The following SLFN14 variants were observed in gnomAD, a reference collection of about 807,000 sequenced individuals.
SLFN14 encodes the protein schlafen family member 14, also known as protein SLFN14.
Under a neutral mutation model 58.6 loss-of-function variants are expected in SLFN14, and 47 were observed. The observed-to-expected ratio is 0.80, with a 90% confidence interval of 0.64 to 1.02. SLFN14 has a LOEUF of 1.02. SLFN14 is among the 50% of genes least tolerant of loss of function. The pLI is 0.00. For missense variants in SLFN14, 967 were observed against 1,078.4 expected (o/e 0.90, Z 1.45); for synonymous variants, 390 against 387.3 (o/e 1.01, Z -0.08).
chr17:35,560,038 C>A (rs1262499933), intron 1 of SLFN14, among the ~76,000 whole-genome samples: 3 of 152,160 alleles, frequency 2.0e-5, no homozygotes, highest in Non-Finnish European at 4.4e-5. Context: ...AAGTTGCAAA[C>A]CTCCAGCAAT....
At position 35,554,701 on chromosome 17, in the gene SLFN14, G is replaced by A. The variant is rs1187916565; in HGVS notation, c.1064C>T (p.Pro355Leu). The change falls in exon 4 of 6, where the codon CCT becomes CTT. Residue 355 changes from proline to leucine, a missense_variant. Transcript: ENST00000674182. The part of the protein sequence containing the change: ...VVMMLDTQSA[P>L]PSLVTDYNSC... The stretch of plus-strand genomic sequence containing the variant: ...GTTGTAGTCTGTGACCAAACTGGGA[G>A]GAGCTAGACAATTACATGGAAAGTT... 1 of 1,387,908 alleles carries A rather than the reference G, an allele frequency of 7.2e-7. No homozygotes were observed. The highest frequency in any genetic ancestry group is 9.4e-7 in the Non-Finnish European group (1 of 1,065,302). The allele number at this position is 1,387,908 out of a possible 1,614,324, so 86.0% of individuals were successfully genotyped here. A position where few individuals can be genotyped will look rare whatever the true frequency, so the allele number is the denominator to read the frequency against.
intron 2 of SLFN14, among the ~76,000 whole-genome samples, 141 bp downstream of exon 2, chr17:35,559,586 G>A (rs564749215): frequency 6.0e-4 from 92 of 152,278 alleles, no homozygotes; most frequent in Non-Finnish European, 1.0e-3. Flanking sequence ...AAATATTTCA[G>A]AAAAGATCTG....
At chr17:35,552,422 G>A (rs1432675948) in intron 5 of SLFN14, among the ~76,000 whole-genome samples, 1 of 151,828 alleles carries the variant, frequency 6.6e-6, no homozygotes, top group Admixed American at 6.6e-5. Context: ...TGCTAATTAG[G>A]CAAAAACAAG....
In SLFN14 at chr17:35,548,407, T is replaced by TC. The variant is rs770321409; in HGVS notation, c.2570dup (p.Ser858LysfsTer23). ...GAATACTGTCTAAAACAATGTGACT[T>TC]CCCCAAACACCGGTGGCCGGGCTAA... is the stretch of plus-strand genomic sequence containing the variant. On this transcript the variant is annotated frameshift_variant, in exon 6 of 6. Transcript: ENST00000674182. LOFTEE classifies it high-confidence loss of function. 1.1e-5 allele frequency: 17 copies of TC among 1,551,596 alleles called. No homozygotes were observed. The South Asian group carries it at 1.9e-4, about 17-fold the overall frequency.
chr17:35,548,671 G>A lies in SLFN14; in HGVS notation c.2307C>T (p.Ala769=), dbSNP rs377642864. The change falls in exon 6 of 6, where the codon GCC becomes GCT. Residue 769 remains alanine, a synonymous_variant. Coordinates refer to ENST00000674182, the MANE Select transcript of SLFN14 (RefSeq NM_001129820.2). The part of the protein sequence containing the change: ...PDTLALFSET[A]YEEATCAQAL... ...CCTGGGCACACGTTGCTTCCTCATA[G>A]GCAGTCTCGCTGAACAATGCTAATG... is the stretch of plus-strand genomic sequence containing the variant. 3.9e-6 allele frequency: 6 copies of A among 1,551,642 alleles called. No individual in the cohort carries two copies. Among genetic ancestry groups the A allele is most frequent in the East Asian group, 2.4e-5 (1 of 40,938 alleles).
rs757176140 is a variant in SLFN14, at chr17:35,557,255, CT to C, written c.807del (p.Glu270LysfsTer6). ...WEKVNPDLLKKEIENCIEKLP... is the reference protein window; with the variant it reads ...WEKVNPDLLKXEIENCIEKLP... Reference sequence around the variant, plus strand: ...AATTTTTCTATGCAGTTTTCGATTTCTTTTTTTAGTAAGTCAGGATTCACTT... The same window carrying C: ...AATTTTTCTATGCAGTTTTCGATTTCTTTTTTAGTAAGTCAGGATTCACTT... On this transcript the variant is annotated frameshift_variant, in exon 3 of 6. Coordinates refer to ENST00000674182, the MANE Select transcript of SLFN14 (RefSeq NM_001129820.2). LOFTEE classifies it high-confidence loss of function. 1.9e-6 allele frequency: 3 copies of C among 1,551,684 alleles called. No individual in the cohort carries two copies.
In SLFN14 at chr17:35,546,549, A is replaced by AG. The variant is rs1394074334; in HGVS notation, c.*1689dup. 5.9e-5 allele frequency among the ~76,000 whole-genome samples: 9 copies of AG among 152,246 alleles called. No homozygotes were observed. Among genetic ancestry groups the AG allele is most frequent in the Non-Finnish European group, 1.2e-4 (8 of 68,042 alleles). On this transcript the variant is annotated 3_prime_UTR_variant, in exon 6 of 6. Coordinates refer to ENST00000674182, the MANE Select transcript of SLFN14 (RefSeq NM_001129820.2). Reference sequence around the variant, plus strand: ...ATTCAAGCCTCCCCAGAGTCAATCAAGTTATCCTAAACTTTTCTAGAAGTT... The same window carrying AG: ...ATTCAAGCCTCCCCAGAGTCAATCAAGGTTATCCTAAACTTTTCTAGAAGTT...
At chr17:35,559,843 T>A (rs1220637710) in intron 1 of SLFN14, among the ~76,000 whole-genome samples, 38 bp from the exon 2 acceptor site, 3 of 152,240 alleles carry the variant, frequency 2.0e-5, no homozygotes, top group Non-Finnish European at 2.9e-5. Flanking sequence ...GAATTCTTTT[T>A]AGAATGTGAG....
In SLFN14 at chr17:35,545,902, C is replaced by A. The variant is rs562045014; in HGVS notation, c.*2337G>T. On this transcript the variant is annotated 3_prime_UTR_variant, in exon 6 of 6. Coordinates refer to ENST00000674182, the MANE Select transcript of SLFN14 (RefSeq NM_001129820.2). ...GCCTGATCACTGATTTTTTTTAAGTCGCCCAGGAAATTATAATGAGCATCC... is the reference window on the plus strand; with the variant it reads ...GCCTGATCACTGATTTTTTTTAAGTAGCCCAGGAAATTATAATGAGCATCC... Among the ~76,000 whole-genome samples, 3 of 152,088 alleles carry A rather than the reference C, an allele frequency of 2.0e-5. No homozygotes were observed. Among genetic ancestry groups the A allele is most frequent in the African/African-American group, 2.4e-5 (1 of 41,484 alleles).
In SLFN14 at chr17:35,544,410, G is replaced by C. The variant is rs1049705984; in HGVS notation, c.*3829C>G. Among the ~76,000 whole-genome samples, 8 of 151,998 alleles carry C rather than the reference G, an allele frequency of 5.3e-5. No homozygotes were observed. The highest frequency in any genetic ancestry group is 1.2e-4 in the African/African-American group (5 of 41,364). ...AAAAAGCACACATATACGTTATAAAGTTGATGGCACAACTTGATCATAACT... is the reference window on the plus strand; with the variant it reads ...AAAAAGCACACATATACGTTATAAACTTGATGGCACAACTTGATCATAACT... On this transcript the variant is annotated 3_prime_UTR_variant, in exon 6 of 6. Coordinates refer to ENST00000674182, the MANE Select transcript of SLFN14 (RefSeq NM_001129820.2).
chr17:35,549,543 T>C (rs1307619341), intron 5 of SLFN14, among the ~76,000 whole-genome samples: 1 of 152,238 alleles, frequency 6.6e-6, no homozygotes, highest in Non-Finnish European at 1.5e-5. Flanking sequence ...AAAGCTTCTT[T>C]AGATTTTGGT....
rs917019376 is a variant in SLFN14 at position 35,545,674 on chromosome 17, AT to A, written c.*2564del. On this transcript the variant is annotated 3_prime_UTR_variant, in exon 6 of 6. Transcript: ENST00000674182. ...CATGCCCAACTAAGTTTTTAAAAAA[AT>A]TTTTTTTGTAGAGATGGGGTCTTGT... is the stretch of plus-strand genomic sequence containing the variant. Among the ~76,000 whole-genome samples, 17 of 152,040 alleles carry A rather than the reference AT, an allele frequency of 1.1e-4. No homozygotes were observed. The highest frequency in any genetic ancestry group is 2.1e-4 in the South Asian group (1 of 4,804).
chr17:35,552,649 C>CAA, intron 5 of SLFN14, 81 bp downstream of exon 5: 1 of 509,776 alleles, frequency 2.0e-6, no homozygotes, highest in Non-Finnish European at 3.1e-6. Context: ...TATATATATA[C>CAA]ACATATATAT....
At position 35,553,280 on chromosome 17, in the gene SLFN14, G is replaced by A; in HGVS notation, c.1354C>T (p.Gln452Ter). The change falls in exon 5 of 6, where the codon CAG becomes TAG. Residue 452 changes from glutamine to a stop codon, truncating the protein, a stop_gained. Coordinates refer to ENST00000674182, the MANE Select transcript of SLFN14 (RefSeq NM_001129820.2). LOFTEE classifies it high-confidence loss of function. ...AGGAGAGCATCACACAGGACATTCT[G>A]TTCTTTCCTGAAGCCAACATCACCA... ...WAGDVGFRKE[Q>*]NVLCDALLIA... 1.9e-6 allele frequency: 3 copies of A among 1,551,626 alleles called. No homozygotes were observed. The highest frequency in any genetic ancestry group is 2.6e-6 in the Non-Finnish European group (3 of 1,146,986).
intron 3 of SLFN14, 61 bp from the exon 4 acceptor site, chr17:35,554,765 A>G (rs2072634381): frequency 8.3e-7 from 1 of 1,211,262 alleles, no homozygotes; most frequent in Non-Finnish European, 1.1e-6. Context: ...AAAAAAAAAA[A>G]AAAGCCTCTT....
rs979558913 is a variant in SLFN14, at chr17:35,553,089, C to T, written c.1545G>A (p.Leu515=). The change falls in exon 5 of 6, where the codon CTG becomes CTA. Residue 515 remains leucine (L), a synonymous_variant. Transcript: ENST00000674182. ...KVCIIPRLIH[L]SSTQSRPGEI... ...CACCAGGTCTACTCTGTGTGCTGCT[C>T]AGGTGTATCAGCCTTGGAATGATGC... 1 of 1,551,662 alleles carries T rather than the reference C, an allele frequency of 6.4e-7. No homozygotes were observed. The highest frequency in any genetic ancestry group is 8.7e-7 in the Non-Finnish European group (1 of 1,146,992).
rs1373149735 is a variant in SLFN14, at chr17:35,552,993, A to T, written c.1641T>A (p.Ala547=). 8 of 1,551,516 alleles carry T rather than the reference A, an allele frequency of 5.2e-6. No homozygotes were observed. In the African/African-American group the frequency reaches 1.1e-4, roughly 21 times the overall value. ...TGGAGGACAGGGAGACCACCACCAG[A>T]GCCTGCAGCAAGTCTTCCATTTCCT... The part of the protein sequence containing the change: ...DEEEMEDLLQ[A]LVVVSLSSRS... Residue 547 remains alanine, a synonymous_variant, in exon 5 of 6, where the codon GCT becomes GCA. Transcript: ENST00000674182.
At chr17:35,558,198 T>C (rs2072672199) in intron 2 of SLFN14, 92 bp from the exon 3 acceptor site, 1 of 819,970 alleles carries the variant, frequency 1.2e-6, no homozygotes, top group African/African-American at 1.7e-5. Flanking sequence ...TGGAGATATA[T>C]TTTAATGTTG....
intron 3 of SLFN14, among the ~76,000 whole-genome samples, chr17:35,556,200 G>A (rs544255264): frequency 2.0e-5 from 3 of 151,996 alleles, no homozygotes; most frequent in South Asian, 2.1e-4. Context: ...ACCACGCCTG[G>A]CTAATTTTTA....
Sources: allele counts gnomAD v4.1 joint callset (sites outside exome capture counted in the v4.1 genomes callset), GRCh38; gene constraint gnomAD v4.1.1; transcripts MANE v1.5; gene names NCBI Gene and HGNC (gene_info 2026-07-23, HGNC 2026-07-21).